SLCO3A1: variants seen among roughly 807,000 people sequenced by gnomAD.
SLCO3A1 encodes PGE1 transporter.
A neutral mutation model predicts 63.1 loss-of-function variants in SLCO3A1; 27 were observed. The observed-to-expected ratio is 0.43, with a 90% confidence interval of 0.32 to 0.59. The LOEUF (loss-of-function observed/expected upper bound fraction) is 0.59, where lower values mean the gene tolerates loss of function less well. Among genes scored for constraint, SLCO3A1 ranks in the 20% least tolerant of loss-of-function variants. The pLI, the probability that SLCO3A1 is intolerant of heterozygous loss-of-function variation, is 0.09. For synonymous variants in SLCO3A1, 473 were observed against 409.9 expected, an observed-to-expected ratio of 1.15 and a Z score of -1.86; for missense variants, 773 against 945.8, an observed-to-expected ratio of 0.82 and a Z score of 2.40.
intron 2 of SLCO3A1, among the ~76,000 whole-genome samples, chr15:91,933,531 TA>T: frequency 6.6e-6 from 1 of 152,280 alleles, no homozygotes; most frequent in South Asian, 2.1e-4. Flanking sequence ...AAAAGCATAC[TA>T]AAAAAATCAC....
intron 7 of SLCO3A1, among the ~76,000 whole-genome samples, chr15:92,131,527 G>A (rs2047997130): frequency 7.4e-6 from 1 of 135,908 alleles, no homozygotes; most frequent in South Asian, 2.2e-4. Context: ...ACCACACCCA[G>A]CTAATTTTTT....
intron 2 of SLCO3A1, among the ~76,000 whole-genome samples, chr15:92,089,012 TTTA>T (rs879635674): frequency 0.028 from 3,983 of 144,448 alleles, 94 homozygotes; most frequent in Admixed American, 0.052. Context: ...TTATTTATTA[TTTA>T]TTTATTTATT....
chr15:92,111,831 A>C (rs952689732), intron 4 of SLCO3A1, among the ~76,000 whole-genome samples: 2 of 152,184 alleles, frequency 1.3e-5, no homozygotes, highest in African/African-American at 4.8e-5. Flanking sequence ...GGGTCCCTTG[A>C]GATGCTCAGG....
At position 92,094,963 on chromosome 15, in the gene SLCO3A1, G is replaced by A. The variant is rs2286355; in HGVS notation, c.729G>A (p.Ala243=). Residue 243 remains alanine (A), a synonymous_variant, in exon 3 of 10, where the codon GCG becomes GCA. Transcript: ENST00000318445. ...GSFCTKIYVD[A]VFIDTSNLDI... ...TCTGTACCAAAATCTACGTGGATGC[G>A]GTCTTCATTGACACAAGTAAGGAAT... 0.36 allele frequency: 583,230 copies of A among 1,603,286 alleles called. 109,712 individuals carry two copies. Among genetic ancestry groups the A allele is most frequent in the Admixed American group, 0.43 (25,669 of 59,952 alleles).
In SLCO3A1 at chr15:91,984,861, G is replaced by A. The variant is rs145070723; in HGVS notation, c.646+68403G>A. ...AGGGCTGACAAAAGCTTTTACTAGG[G>A]GAATGAGAGGCCCTGCCATTTTTTG... On this transcript the variant is annotated intron_variant, in intron 2 of 9. Coordinates refer to ENST00000318445, the MANE Select transcript of SLCO3A1 (RefSeq NM_013272.4). Among the ~76,000 whole-genome samples, 466 of 152,164 alleles carry A rather than the reference G, an allele frequency of 3.1e-3. 2 individuals are homozygous for A. The highest frequency in any genetic ancestry group is 5.4e-3 in the Non-Finnish European group (369 of 67,982).
intron 2 of SLCO3A1, among the ~76,000 whole-genome samples, chr15:91,945,487 C>T (rs1899774815): frequency 6.6e-6 from 1 of 152,154 alleles, no homozygotes; most frequent in Non-Finnish European, 1.5e-5. Context: ...TAAACAGACA[C>T]AATAGCGGCA....
At chr15:92,135,289 C>A (rs952043514) in intron 7 of SLCO3A1, among the ~76,000 whole-genome samples, 3 of 152,140 alleles carry the variant, frequency 2.0e-5, no homozygotes, top group African/African-American at 7.2e-5. Flanking sequence ...CTTTCTGCTC[C>A]CCAAATAAAA....
intron 2 of SLCO3A1, among the ~76,000 whole-genome samples, chr15:92,036,183 T>C (rs1482703390): frequency 6.6e-6 from 1 of 152,206 alleles, no homozygotes; most frequent in African/African-American, 2.4e-5. Context: ...CTGGATTTCA[T>C]GAAACCCAAA....
At chr15:91,871,836 G>A (rs1232447136) in intron 1 of SLCO3A1, among the ~76,000 whole-genome samples, 1 of 114,630 alleles carries the variant, frequency 8.7e-6, no homozygotes, top group Non-Finnish European at 1.7e-5. Context: ...TTCAAATTTA[G>A]GAAGAGTGAG....
At chr15:92,159,937 C>A (rs936168590) in intron 9 of SLCO3A1, among the ~76,000 whole-genome samples, 14 of 152,042 alleles carry the variant, frequency 9.2e-5, no homozygotes, top group Non-Finnish European at 1.6e-4. Context: ...CTTTGATGTG[C>A]TTAAAATATG....
At chr15:92,047,534 AATAT>A (rs1200993975) in intron 2 of SLCO3A1, among the ~76,000 whole-genome samples, 1 of 23,720 alleles carries the variant, frequency 4.2e-5, no homozygotes, top group African/African-American at 2.3e-4. Context: ...TAAATATATA[AATAT>A]ATATAATATA....
chr15:92,091,446 T>C (rs997847653), intron 2 of SLCO3A1, among the ~76,000 whole-genome samples: 44 of 152,216 alleles, frequency 2.9e-4, no homozygotes, highest in Non-Finnish European at 5.9e-4. Flanking sequence ...TCGAGCTGGC[T>C]TTGCCAAAAC....
At chr15:91,934,666 T>C (rs1478591630) in intron 2 of SLCO3A1, among the ~76,000 whole-genome samples, 1 of 152,250 alleles carries the variant, frequency 6.6e-6, no homozygotes, top group Non-Finnish European at 1.5e-5. Context: ...GTTTTCTCTT[T>C]TATTTGTAAT....
chr15:91,986,692 G>A (rs1304736231), intron 2 of SLCO3A1, among the ~76,000 whole-genome samples: 2 of 152,070 alleles, frequency 1.3e-5, no homozygotes, highest in Non-Finnish European at 2.9e-5. Flanking sequence ...GGACAGGGCA[G>A]CCCCAGAGGG....
In SLCO3A1 at chr15:91,869,576, A is replaced by C. The variant is rs73547374; in HGVS notation, c.180+15488A>C. ...GGTGTGGTGCTGCATGCCACCACCC[A>C]GTCTCCCAGATATTTGGGAGACTGA... is the stretch of plus-strand genomic sequence containing the variant. On this transcript the variant is annotated intron_variant, in intron 1 of 9. Coordinates refer to ENST00000318445, the MANE Select transcript of SLCO3A1 (RefSeq NM_013272.4). Among the ~76,000 whole-genome samples the C allele has an allele frequency of 7.6e-3, 1,154 of 151,230 alleles. 14 individuals carry two copies. The highest frequency in any genetic ancestry group is 0.024 in the African/African-American group (1,003 of 41,178).
intron 4 of SLCO3A1, among the ~76,000 whole-genome samples, chr15:92,105,289 C>G (rs2047654708): frequency 6.6e-6 from 1 of 152,104 alleles, no homozygotes; most frequent in Non-Finnish European, 1.5e-5. Flanking sequence ...GAAAAAAAAG[C>G]CACCTTCAAA....
chr15:91,986,884 T>G (rs2046060177), intron 2 of SLCO3A1, among the ~76,000 whole-genome samples: 1 of 152,226 alleles, frequency 6.6e-6, no homozygotes, highest in Admixed American at 6.5e-5. Context: ...TCAAGGCATA[T>G]GGGGAGAAGG....
chr15:92,142,507 G>C (rs148862365), intron 7 of SLCO3A1, among the ~76,000 whole-genome samples: 2 of 152,124 alleles, frequency 1.3e-5, no homozygotes, highest in African/African-American at 2.4e-5. Flanking sequence ...CTCTACCCTC[G>C]TGACCTAATC....
At chr15:91,963,921 T>C (rs7178673) in intron 2 of SLCO3A1, among the ~76,000 whole-genome samples, 43,222 of 152,024 alleles carry the variant, frequency 0.28, 6,594 homozygotes, top group East Asian at 0.38. Context: ...TATTCCCTTA[T>C]TTGGCCCCGC....
Sources: allele counts gnomAD v4.1 joint callset (sites outside exome capture counted in the v4.1 genomes callset), GRCh38; gene constraint gnomAD v4.1.1; transcripts MANE v1.5; gene names NCBI Gene and HGNC (gene_info 2026-07-23, HGNC 2026-07-21).